The following ZBTB20 variants were observed in gnomAD, a reference collection of about 807,000 sequenced individuals.
ZBTB20 encodes zinc finger and BTB domain-containing protein 20.
ZBTB20 carries 9 observed loss-of-function variants against 56.9 expected under a neutral mutation model. The observed-to-expected ratio is 0.16, with a 90% CI of 0.10 to 0.28. ZBTB20 has a LOEUF of 0.28. Among genes scored for constraint, ZBTB20 ranks in the 10% least tolerant of loss-of-function variants. The probability of loss-of-function intolerance (pLI) is 1.00; values close to 1 mark genes in which losing one functional copy is unlikely to be tolerated. For missense variants in ZBTB20, 655 were observed against 1,003.0 expected (o/e 0.65, Z 4.69); for synonymous variants, 417 against 420.7 (o/e 0.99, Z 0.11).
In ZBTB20 at chr3:114,395,755, A is replaced by T. The variant is rs190336852; in HGVS notation, c.-254-6650T>A. On this transcript the variant is annotated intron_variant, in intron 7 of 11. Transcript: ENST00000675478. ...ACCACTAGTTAATACCCATGTCCAT[A>T]AGAAACACCTCTGATGGCTTGAAGA... Among the ~76,000 whole-genome samples, 14 of 152,228 alleles carry T rather than the reference A, an allele frequency of 9.2e-5. No individual in the cohort carries two copies. The East Asian group carries it at 2.7e-3, about 29-fold the overall frequency.
At chr3:114,354,393 A>G (rs1356140202) in intron 10 of ZBTB20, among the ~76,000 whole-genome samples, 3 of 152,226 alleles carry the variant, frequency 2.0e-5, no homozygotes, top group African/African-American at 7.2e-5. Flanking sequence ...TACAACAATA[A>G]CACTAGAGAT....
Position 114,325,498 on chromosome 3 carries a change from C to T in ZBTB20, c.*13507G>A, listed in dbSNP as rs1329101745. The T allele has an allele frequency of 6.6e-6, 1 of 152,156 alleles. No homozygotes were observed. The allele number at this position is 152,156 out of a possible 1,614,324, so 9.4% of individuals were successfully genotyped here. A position where few individuals can be genotyped will look rare whatever the true frequency, so the allele number is the denominator to read the frequency against. On this transcript the variant is annotated 3_prime_UTR_variant, in exon 12 of 12. Coordinates refer to ENST00000675478, the MANE Select transcript of ZBTB20 (RefSeq NM_001348800.3). Reference sequence around the variant, plus strand: ...TAGAAGTCAGGAGTTTCTACAATTTCTCTAGAAGTGTTTGGCAGCATGAAG... The same window carrying T: ...TAGAAGTCAGGAGTTTCTACAATTTTTCTAGAAGTGTTTGGCAGCATGAAG...
intron 7 of ZBTB20, among the ~76,000 whole-genome samples, chr3:114,448,814 A>T (rs2091429322): frequency 6.6e-6 from 1 of 152,152 alleles, no homozygotes; most frequent in South Asian, 2.1e-4. Context: ...AGTTCAGTGA[A>T]TTTTTTATTA....
chr3:114,603,207 A>T (rs1298262313), intron 6 of ZBTB20, among the ~76,000 whole-genome samples: 1 of 152,020 alleles, frequency 6.6e-6, no homozygotes, highest in Non-Finnish European at 1.5e-5. Flanking sequence ...AAAGGGGTGA[A>T]CATGGTTGTT....
intron 6 of ZBTB20, among the ~76,000 whole-genome samples, chr3:114,529,918 A>C (rs1487014066): frequency 6.6e-6 from 1 of 152,222 alleles, no homozygotes; most frequent in African/African-American, 2.4e-5. Flanking sequence ...AGTTAAAGGA[A>C]GTCCTATTTT....
At chr3:114,901,921 T>C (rs541803272) in intron 3 of ZBTB20, among the ~76,000 whole-genome samples, 2 of 152,168 alleles carry the variant, frequency 1.3e-5, no homozygotes. Flanking sequence ...CATATATAGT[T>C]AATTATCTAC....
At chr3:114,622,923 G>T (rs948360906) in intron 6 of ZBTB20, among the ~76,000 whole-genome samples, 3 of 152,202 alleles carry the variant, frequency 2.0e-5, no homozygotes, top group Non-Finnish European at 4.4e-5. Context: ...ATTCCTGGAA[G>T]TTTCAGCCTA....
chr3:114,474,053 G>A (rs1218443282), intron 7 of ZBTB20, among the ~76,000 whole-genome samples: 3 of 152,160 alleles, frequency 2.0e-5, no homozygotes, highest in African/African-American at 7.2e-5. Flanking sequence ...CTTATGCAGG[G>A]AAACTCCCCT....
chr3:114,971,420 A>T (rs1165987779), intron 3 of ZBTB20, among the ~76,000 whole-genome samples: 3 of 152,190 alleles, frequency 2.0e-5, no homozygotes, highest in African/African-American at 7.2e-5. Flanking sequence ...AAAGGATGAC[A>T]TTTTCTTATA....
chr3:114,811,240 C>T (rs2072494675), intron 4 of ZBTB20, among the ~76,000 whole-genome samples: 1 of 152,210 alleles, frequency 6.6e-6, no homozygotes, highest in Non-Finnish European at 1.5e-5. Flanking sequence ...TTCCTGGGCT[C>T]ACTCAGGTTA....
At chr3:114,697,040 T>C (rs1255455456) in intron 5 of ZBTB20, among the ~76,000 whole-genome samples, 1 of 147,244 alleles carries the variant, frequency 6.8e-6, no homozygotes, top group African/African-American at 2.5e-5. Context: ...ATTAAGACTT[T>C]GGAGTTTGAA....
At chr3:114,707,229 T>C (rs2063771382) in intron 5 of ZBTB20, among the ~76,000 whole-genome samples, 1 of 152,236 alleles carries the variant, frequency 6.6e-6, no homozygotes, top group Admixed American at 6.5e-5. Context: ...TGTGTATATC[T>C]ATTCGGAAGG....
chr3:114,681,109 A>G (rs2061942283), intron 6 of ZBTB20, among the ~76,000 whole-genome samples: 1 of 151,832 alleles, frequency 6.6e-6, no homozygotes, highest in African/African-American at 2.4e-5. Flanking sequence ...AAAAACCCTT[A>G]GATTGTTAGT....
rs1475737133 is a variant in ZBTB20 at position 115,002,261 on chromosome 3, C to CAA, written c.-506-27846_-506-27845insTT. 9.9e-5 allele frequency among the ~76,000 whole-genome samples: 15 copies of CAA among 151,528 alleles called. No individual in the cohort carries two copies. The East Asian group carries it at 2.7e-3, about 28-fold the overall frequency. On this transcript the variant is annotated intron_variant, in intron 2 of 11. Transcript: ENST00000675478. ...ATAGACCTAAATGTACAATGCAAAA[C>CAA]TGTAAAACTTTTAGAAGATAAATAG...
intron 6 of ZBTB20, among the ~76,000 whole-genome samples, chr3:114,568,404 CT>C: frequency 1.3e-5 from 2 of 152,306 alleles, no homozygotes; most frequent in African/African-American, 4.8e-5. Context: ...GTCTGGTACA[CT>C]TGCATAAAAA....
At chr3:114,904,117 GTGTTTGTTTGTT>G (rs147801017) in intron 3 of ZBTB20, among the ~76,000 whole-genome samples, 1 of 151,840 alleles carries the variant, frequency 6.6e-6, no homozygotes, top group Admixed American at 6.6e-5. Context: ...ATACTATAGA[GTGTTTGTTTGTT>G]TGTTTGTTTG....
chr3:114,890,524 T>G (rs2076766539), intron 4 of ZBTB20, among the ~76,000 whole-genome samples: 1 of 152,138 alleles, frequency 6.6e-6, no homozygotes, highest in Non-Finnish European at 1.5e-5. Flanking sequence ...TACCGCATGT[T>G]CTCACTCATA....
intron 3 of ZBTB20, among the ~76,000 whole-genome samples, chr3:114,919,030 C>T (rs2075852866): frequency 6.6e-6 from 1 of 152,174 alleles, no homozygotes; most frequent in Non-Finnish European, 1.5e-5. Context: ...TTTGTTGATA[C>T]TTGAGTTCCA....
chr3:114,833,922 C>A (rs1039922936), intron 4 of ZBTB20, among the ~76,000 whole-genome samples: 2 of 152,008 alleles, frequency 1.3e-5, no homozygotes, highest in African/African-American at 2.4e-5. Context: ...ACAAGTTCAA[C>A]AAGTAGTAAG....
Sources: gnomAD v4.1 joint callset for allele counts (sites outside exome capture counted in the v4.1 genomes callset) on GRCh38, gnomAD v4.1.1 for gene constraint, MANE v1.5 for transcripts, NCBI Gene and HGNC (gene_info 2026-07-23, HGNC 2026-07-21) for gene names.